SCLT1: variants seen among roughly 807,000 people sequenced by gnomAD.
The protein encoded by SCLT1 is sodium channel and clathrin linker 1.
Under a neutral mutation model 112.8 loss-of-function variants are expected in SCLT1, and 78 were observed. The observed-to-expected ratio is 0.69, with a 90% CI of 0.58 to 0.83. The LOEUF (loss-of-function observed/expected upper bound fraction) is 0.83, where lower values mean the gene tolerates loss of function less well. Ranked by LOEUF, SCLT1 falls within the 40% of genes least tolerant of loss-of-function variation. The probability of loss-of-function intolerance (pLI) is 0.00; values close to 1 mark genes in which losing one functional copy is unlikely to be tolerated. For synonymous variants in SCLT1, 257 were observed against 254.7 expected (o/e 1.01, Z -0.09); for missense variants, 747 against 770.4 (o/e 0.97, Z 0.36).
At chr4:129,023,597 C>G (rs1011669380) in intron 5 of SCLT1, among the ~76,000 whole-genome samples, 1 of 152,180 alleles carries the variant, frequency 6.6e-6, no homozygotes, top group East Asian at 1.9e-4. Flanking sequence ...TCTACAGCTC[C>G]CAGCGTGAGC....
rs138241676 is a variant in SCLT1, at chr4:128,970,393, T to G, written c.762A>C (p.Gly254=). 1.6e-5 allele frequency: 25 copies of G among 1,584,952 alleles called. No homozygotes were observed. Among genetic ancestry groups the G allele is most frequent in the African/African-American group, 4.0e-5 (3 of 74,326 alleles). ...ELTNVTEDLQ[G]QMKKKEKDVV... ...TAGAAAATACCTTCTTTTTCATCTG[T>G]CCCTGCAGATCTTCAGTCACATTAG... is the stretch of plus-strand genomic sequence containing the variant. Residue 254 remains glycine (G), a synonymous_variant, in exon 10 of 21, where the codon GGA becomes GGC. Transcript: ENST00000281142.
chr4:128,992,645 C>T (rs1432380126), intron 8 of SCLT1, among the ~76,000 whole-genome samples: 1 of 152,020 alleles, frequency 6.6e-6, no homozygotes, highest in African/African-American at 2.4e-5. Flanking sequence ...GTGTTCTACA[C>T]TGTCTTTCAG....
chr4:128,883,154 C>CAAAAAAA (rs1412985271), downstream of SCLT1, among the ~76,000 whole-genome samples: 1 of 37,478 alleles, frequency 2.7e-5, no homozygotes, highest in African/African-American at 7.8e-5. Flanking sequence ...ACAACAACAA[C>CAAAAAAA]AACAAAAAAA....
At chr4:128,912,420 AT>A (rs929863157) in intron 18 of SCLT1, among the ~76,000 whole-genome samples, 1 of 152,154 alleles carries the variant, frequency 6.6e-6, no homozygotes, top group African/African-American at 2.4e-5. Context: ...TTAAAAATAA[AT>A]TTTTTAACTT....
rs534070195 is a variant in SCLT1, at chr4:129,027,781, T to C, written c.290+11260A>G. Among the ~76,000 whole-genome samples, 691 of 152,206 alleles carry C rather than the reference T, an allele frequency of 4.5e-3. 4 individuals are homozygous for C. Among genetic ancestry groups the C allele is most frequent in the African/African-American group, 0.016 (658 of 41,474 alleles). On this transcript the variant is annotated intron_variant, in intron 5 of 20. Coordinates refer to ENST00000281142, the MANE Select transcript of SCLT1 (RefSeq NM_144643.4). ...ATGATTGTATATCTAGAAAACCCCA[T>C]CGTCTCAGCCCAAAATCTCCTTAAG...
intron 4 of SCLT1, among the ~76,000 whole-genome samples, chr4:129,040,906 A>G (rs1747640203): frequency 6.6e-6 from 1 of 152,206 alleles, no homozygotes; most frequent in African/African-American, 2.4e-5. Context: ...GCTTTCTAGC[A>G]TAGTTTATTT....
intron 2 of SCLT1, among the ~76,000 whole-genome samples, chr4:129,057,213 G>A (rs1749483298): frequency 6.6e-6 from 1 of 151,926 alleles, no homozygotes; most frequent in African/African-American, 2.4e-5. Context: ...CTTTTAATAT[G>A]CTGCTGGATT....
At chr4:128,923,320 C>A (rs972144903) in intron 18 of SCLT1, among the ~76,000 whole-genome samples, 11 of 151,910 alleles carry the variant, frequency 7.2e-5, no homozygotes, top group African/African-American at 2.7e-4. Flanking sequence ...GTGGCACATG[C>A]CTGTATCCCA....
chr4:128,931,065 C>T (rs1317360173), intron 18 of SCLT1, among the ~76,000 whole-genome samples: 1 of 151,626 alleles, frequency 6.6e-6, no homozygotes, highest in Non-Finnish European at 1.5e-5. Flanking sequence ...ACTATTTTCA[C>T]TTTAAATACA....
At position 128,884,099 on chromosome 4, in the gene SCLT1, T is replaced by C. The variant is rs1732720850; in HGVS notation, c.*378A>G. The C allele has an allele frequency of 6.3e-6, 1 of 159,752 alleles. No individual in the cohort carries two copies. Among genetic ancestry groups the C allele is most frequent in the Non-Finnish European group, 1.4e-5 (1 of 73,368 alleles). The allele number at this position is 159,752 out of a possible 1,614,324, so 9.9% of individuals were successfully genotyped here. A position where few individuals can be genotyped will look rare whatever the true frequency, so the allele number is the denominator to read the frequency against. On this transcript the variant is annotated 3_prime_UTR_variant, in exon 21 of 21. Coordinates refer to ENST00000281142, the MANE Select transcript of SCLT1 (RefSeq NM_144643.4). ...AACAATTAGATGTAAAATTCTCAAA[T>C]CTTGGAAACTGAAATATTAAATTCT...
chr4:129,062,045 G>A (rs1032641353), intron 2 of SCLT1, among the ~76,000 whole-genome samples: 7 of 151,368 alleles, frequency 4.6e-5, no homozygotes, highest in Admixed American at 6.6e-5. Flanking sequence ...CCCCAGTGGC[G>A]AGGTCCGTAG....
chr4:129,049,790 G>C (rs1022830605), intron 2 of SCLT1, among the ~76,000 whole-genome samples: 2 of 151,694 alleles, frequency 1.3e-5, no homozygotes, highest in Non-Finnish European at 2.9e-5. Flanking sequence ...TGTTACATAG[G>C]TATACATGTG....
intron 10 of SCLT1, among the ~76,000 whole-genome samples, chr4:128,967,049 C>T (rs1198750467): frequency 3.9e-5 from 6 of 152,058 alleles, no homozygotes; most frequent in Non-Finnish European, 1.5e-5. Flanking sequence ...TATATCGTTC[C>T]CTTTAGCGTC....
At chr4:128,983,327 T>C (rs969292125) in intron 9 of SCLT1, among the ~76,000 whole-genome samples, 8 of 152,194 alleles carry the variant, frequency 5.3e-5, no homozygotes, top group Non-Finnish European at 8.8e-5. Flanking sequence ...GGAAAATAAT[T>C]ATCATCATAA....
At chr4:129,037,076 T>G (rs984410343) in intron 5 of SCLT1, 3 of 151,576 alleles carry the variant, frequency 2.0e-5, no homozygotes, top group African/African-American at 7.3e-5. Flanking sequence ...TCTATGACAT[T>G]AGGCTGAGAA....
intron 9 of SCLT1, among the ~76,000 whole-genome samples, chr4:128,980,731 T>C (rs1243891117): frequency 1.3e-5 from 2 of 152,190 alleles, no homozygotes; most frequent in Admixed American, 6.5e-5. Flanking sequence ...TGAGAAACAC[T>C]AAAAATCTTT....
rs185047210 is a variant in SCLT1 at position 129,047,870 on chromosome 4, T to C, written c.103-3819A>G. On this transcript the variant is annotated intron_variant, in intron 2 of 20. Coordinates refer to ENST00000281142, the MANE Select transcript of SCLT1 (RefSeq NM_144643.4). ...TGTTGAATTGTTTGAGTTCCTTATA[T>C]ATTCTGGACATTCATCTCTTGTCAG... is the stretch of plus-strand genomic sequence containing the variant. 3.3e-5 allele frequency among the ~76,000 whole-genome samples: 5 copies of C among 152,284 alleles called. No homozygotes were observed. In the East Asian group the frequency reaches 9.6e-4, roughly 29 times the overall value.
At chr4:129,013,198 G>C (rs550754311) in intron 5 of SCLT1, among the ~76,000 whole-genome samples, 3 of 152,136 alleles carry the variant, frequency 2.0e-5, no homozygotes, top group Non-Finnish European at 4.4e-5. Context: ...GTGCTTGTAA[G>C]TTCTTACCAT....
Position 128,884,319 on chromosome 4 carries a change from T to G in SCLT1, c.*158A>C, listed in dbSNP as rs1732731919. On this transcript the variant is annotated 3_prime_UTR_variant, in exon 21 of 21. Transcript: ENST00000281142. The stretch of plus-strand genomic sequence containing the variant: ...TTCTTTACTTACAGGAAGTGGTCAC[T>G]GCTCTGTTTTCCAATAACCCTCAAA... 1.9e-6 allele frequency: 1 copy of G among 535,318 alleles called. No homozygotes were observed. Among genetic ancestry groups the G allele is most frequent in the Non-Finnish European group, 3.3e-6 (1 of 303,500 alleles). 33.2% of individuals were successfully genotyped at this position (535,318 alleles called of 1,614,324 possible).
Sources: allele counts gnomAD v4.1 joint callset (sites outside exome capture counted in the v4.1 genomes callset), GRCh38; gene constraint gnomAD v4.1.1; transcripts MANE v1.5; gene names NCBI Gene and HGNC (gene_info 2026-07-23, HGNC 2026-07-21).